The following COL27A1 variants were observed in gnomAD, a reference collection of about 807,000 sequenced individuals.
COL27A1 encodes the protein collagen alpha-1(XXVII) chain.
In COL27A1, 106 loss-of-function variants were observed where a neutral mutation model predicts 251.3. The observed-to-expected ratio is 0.42, with a 90% CI of 0.36 to 0.50. COL27A1 has a LOEUF of 0.50. Among genes scored for constraint, COL27A1 ranks in the 20% least tolerant of loss-of-function variants. The pLI is 0.00. For synonymous variants in COL27A1, 1,000 were observed against 986.3 expected, an observed-to-expected ratio of 1.01 and a Z score of -0.26; for missense variants, 2,325 against 2,522.8, an observed-to-expected ratio of 0.92 and a Z score of 1.68.
chr9:114,258,678 GC>G, intron 28 of COL27A1, 84 bp downstream of exon 28: 1 of 1,401,944 alleles, frequency 7.1e-7, no homozygotes. Context: ...GACTGCCTGG[GC>G]TTTGCCCCTA....
chr9:114,233,802 G>A (rs920016919), intron 16 of COL27A1, among the ~76,000 whole-genome samples: 2 of 152,134 alleles, frequency 1.3e-5, no homozygotes, highest in Non-Finnish European at 2.9e-5. Context: ...TTATTTTCAT[G>A]CCCATAGTTT....
chr9:114,209,920 T>A (rs1014998088), intron 11 of COL27A1, among the ~76,000 whole-genome samples, 192 bp downstream of exon 11: 15 of 152,162 alleles, frequency 9.9e-5, no homozygotes, highest in African/African-American at 3.4e-4. Flanking sequence ...ATGTGCGAAG[T>A]CAGGGATTTA....
At chr9:114,242,354 A>G (rs944045830) in intron 22 of COL27A1, 123 bp downstream of exon 22, 3 of 768,860 alleles carry the variant, frequency 3.9e-6, no homozygotes, top group Non-Finnish European at 6.1e-6. Context: ...GACCAGCCAG[A>G]GAGAGAACTA....
chr9:114,226,544 C>T (rs1434697135), intron 14 of COL27A1, among the ~76,000 whole-genome samples: 2 of 152,224 alleles, frequency 1.3e-5, no homozygotes, highest in Middle Eastern at 3.2e-3. Flanking sequence ...CTGTGCTGAA[C>T]AGAGATAGCG....
intron 12 of COL27A1, among the ~76,000 whole-genome samples, chr9:114,215,143 C>T (rs1381746310): frequency 6.6e-6 from 1 of 152,250 alleles, no homozygotes; most frequent in Non-Finnish European, 1.5e-5. Flanking sequence ...GGGCCCAGCC[C>T]TGGCACCGAC....
intron 16 of COL27A1, 126 bp downstream of exon 16, chr9:114,231,992 T>C: frequency 2.2e-6 from 2 of 894,720 alleles, no homozygotes; most frequent in Non-Finnish European, 3.6e-6. Context: ...TCCTCTGGCC[T>C]CCCCTAAATC....
chr9:114,299,085 T>C (rs982071299), intron 49 of COL27A1, among the ~76,000 whole-genome samples: 2 of 151,962 alleles, frequency 1.3e-5, no homozygotes, highest in Admixed American at 6.6e-5. Flanking sequence ...CTTTTAAAAA[T>C]GAACAGGTAG....
chr9:114,309,547 G>A, intron 60 of COL27A1, 69 bp downstream of exon 60: 2 of 1,184,002 alleles, frequency 1.7e-6, no homozygotes, highest in Non-Finnish European at 2.4e-6. Flanking sequence ...TTGGAAAAAT[G>A]TGTTTCTATT....
At chr9:114,209,530 G>A (rs376304153) in intron 10 of COL27A1, 145 bp from the exon 11 acceptor site, 39 of 805,982 alleles carry the variant, frequency 4.8e-5, no homozygotes, top group African/African-American at 3.9e-4. Flanking sequence ...CTATGTCATC[G>A]AGGAGCCACC....
intron 31 of COL27A1, 22 bp from the exon 32 acceptor site, chr9:114,265,400 C>G (rs766273107): frequency 6.2e-7 from 1 of 1,611,996 alleles, no homozygotes; most frequent in South Asian, 1.1e-5. Context: ...GGCCTAAGGT[C>G]ACCTTTACCT....
At chr9:114,260,804 G>A (rs1374988433) in intron 28 of COL27A1, among the ~76,000 whole-genome samples, 1 of 152,184 alleles carries the variant, frequency 6.6e-6, no homozygotes, top group Non-Finnish European at 1.5e-5. Flanking sequence ...GTTCCCAGCT[G>A]TGGAACCCCA....
At chr9:114,209,815 C>T (rs1429853621) in intron 11 of COL27A1, 87 bp downstream of exon 11, 2 of 1,307,400 alleles carry the variant, frequency 1.5e-6, no homozygotes, top group Admixed American at 3.4e-5. Flanking sequence ...CTGGGGAAGT[C>T]AAGGAATTCC....
chr9:114,231,176 G>T, intron 15 of COL27A1, 44 bp downstream of exon 15: 1 of 1,584,300 alleles, frequency 6.3e-7, no homozygotes, highest in Non-Finnish European at 8.7e-7. Context: ...GTCCAAGCTG[G>T]GCACCCCCGA....
chr9:114,216,986 A>G (rs1192073305), intron 12 of COL27A1, among the ~76,000 whole-genome samples: 1 of 152,166 alleles, frequency 6.6e-6, no homozygotes, highest in Non-Finnish European at 1.5e-5. Flanking sequence ...CCTAGGTTCG[A>G]ATCTCATCTC....
At chr9:114,300,810 G>A in intron 51 of COL27A1, 123 bp downstream of exon 51, 2 of 867,746 alleles carry the variant, frequency 2.3e-6, no homozygotes, top group Non-Finnish European at 3.4e-6. Context: ...TCTGCCCACA[G>A]GCCTGGTTCC....
At chr9:114,242,272 C>G in intron 22 of COL27A1, 41 bp downstream of exon 22, 3 of 1,571,074 alleles carry the variant, frequency 1.9e-6, no homozygotes, top group Non-Finnish European at 1.7e-6. Flanking sequence ...TTCATGGGAG[C>G]TGAGCCAGCT....
At chr9:114,234,431 C>T (rs1832206083) in intron 16 of COL27A1, among the ~76,000 whole-genome samples, 1 of 152,174 alleles carries the variant, frequency 6.6e-6, no homozygotes, top group South Asian at 2.1e-4. Flanking sequence ...CCCCATTCTT[C>T]CTCCTGCTCC....
intron 5 of COL27A1, 90 bp from the exon 6 acceptor site, chr9:114,194,314 A>C: frequency 1.6e-6 from 2 of 1,276,966 alleles, no homozygotes; most frequent in Non-Finnish European, 1.1e-6. Context: ...GCATTTAAGC[A>C]AGGGAGCAGG....
chr9:114,276,434 C>T (rs780123237), intron 37 of COL27A1, among the ~76,000 whole-genome samples: 19 of 152,272 alleles, frequency 1.2e-4, no homozygotes, highest in Middle Eastern at 3.4e-3. Flanking sequence ...GGTGAAACCC[C>T]GTCTCTACTA....
Sources: gnomAD v4.1 joint callset for allele counts (sites outside exome capture counted in the v4.1 genomes callset) on GRCh38, gnomAD v4.1.1 for gene constraint, MANE v1.5 for transcripts, NCBI Gene and HGNC (gene_info 2026-07-23, HGNC 2026-07-21) for gene names.